Variants in SORCS3 observed in about 807,000 individuals in gnomAD.
SORCS3 encodes the protein sortilin related VPS10 domain containing receptor 3, also known as VPS10 domain-containing receptor SorCS3.
SORCS3 carries 57 observed loss-of-function variants against 146.3 expected under a neutral mutation model. The observed-to-expected ratio is 0.39, with a 90% CI of 0.31 to 0.49. The LOEUF (loss-of-function observed/expected upper bound fraction) is 0.49. Among genes scored for constraint, SORCS3 ranks in the 20% least tolerant of loss-of-function variants. The pLI, the probability that SORCS3 is intolerant of heterozygous loss-of-function variation, is 0.92. For synonymous variants in SORCS3, 653 were observed against 618.5 expected, an observed-to-expected ratio of 1.06 and a Z score of -0.83; for missense variants, 1,341 against 1,575.5, an observed-to-expected ratio of 0.85 and a Z score of 2.52.
chr10:104,909,405 C>A (rs561283151), intron 2 of SORCS3, among the ~76,000 whole-genome samples: 1 of 152,216 alleles, frequency 6.6e-6, no homozygotes, highest in Non-Finnish European at 1.5e-5. Context: ...AGGAAAGGAA[C>A]AACCACAACT....
rs139686600 is a variant in SORCS3, at chr10:105,026,435, G to A, written c.955-16620G>A. On this transcript the variant is annotated intron_variant, in intron 4 of 26. Transcript: ENST00000369701. ...AGACTTCCCTGATGCATGAAAGGAAGCAAAATGGAATCATCATTCAACCAG... is the reference window on the plus strand; with the variant it reads ...AGACTTCCCTGATGCATGAAAGGAAACAAAATGGAATCATCATTCAACCAG... Among the ~76,000 whole-genome samples, 168 of 152,308 alleles carry A rather than the reference G, an allele frequency of 1.1e-3. 1 individual carries two copies. Among genetic ancestry groups the A allele is most frequent in the African/African-American group, 3.9e-3 (162 of 41,572 alleles).
chr10:105,145,692 G>C (rs146649037), intron 8 of SORCS3, among the ~76,000 whole-genome samples: 3,379 of 152,168 alleles, frequency 0.022, 76 homozygotes, highest in Non-Finnish European at 0.031. Flanking sequence ...CGGTTTTTAA[G>C]AGTAAGCTTT....
At chr10:105,119,441 G>C (rs183025942) in intron 7 of SORCS3, among the ~76,000 whole-genome samples, 52 of 152,302 alleles carry the variant, frequency 3.4e-4, no homozygotes, top group African/African-American at 1.2e-3. Flanking sequence ...GCACTGCCTA[G>C]TGGAGCACTG....
chr10:104,873,588 G>C (rs1256736301), intron 2 of SORCS3, among the ~76,000 whole-genome samples: 1 of 152,134 alleles, frequency 6.6e-6, no homozygotes, highest in Admixed American at 6.5e-5. Flanking sequence ...ATTCTCTTTT[G>C]GATGCAGTAG....
At chr10:104,764,041 TGGTAATTCATTAAAATGAA>T (rs2017153180) in intron 1 of SORCS3, among the ~76,000 whole-genome samples, 1 of 150,934 alleles carries the variant, frequency 6.6e-6, no homozygotes, top group South Asian at 2.1e-4. Flanking sequence ...TGGAAGGTAC[TGGTAATTCATTAAAATGAA>T]AATGGACTAA....
At chr10:105,116,858 G>A (rs1465520800) in intron 7 of SORCS3, among the ~76,000 whole-genome samples, 2 of 152,056 alleles carry the variant, frequency 1.3e-5, no homozygotes, top group Non-Finnish European at 2.9e-5. Flanking sequence ...CACAAAGAAG[G>A]GAATGGTAGA....
intron 1 of SORCS3, among the ~76,000 whole-genome samples, chr10:104,717,101 C>T (rs556142937): frequency 1.6e-4 from 24 of 152,134 alleles, no homozygotes; most frequent in Middle Eastern, 3.4e-3. Flanking sequence ...CCAGCCCAGG[C>T]GGCATAGCAA....
At chr10:104,999,692 T>C (rs1281358517) in intron 4 of SORCS3, among the ~76,000 whole-genome samples, 2 of 152,192 alleles carry the variant, frequency 1.3e-5, no homozygotes, top group African/African-American at 2.4e-5. Context: ...GAAGGGTTTA[T>C]TCCCCAGGAG....
rs570362058 is a variant in SORCS3 at position 104,682,570 on chromosome 10, A to G, written c.627+40616A>G. 5.3e-5 allele frequency among the ~76,000 whole-genome samples: 8 copies of G among 152,276 alleles called. No homozygotes were observed. The South Asian group carries it at 1.0e-3, about 20-fold the overall frequency. On this transcript the variant is annotated intron_variant, in intron 1 of 26. Coordinates refer to ENST00000369701, the MANE Select transcript of SORCS3 (RefSeq NM_014978.3). Reference sequence around the variant, plus strand: ...AATTCCAGGCAGAGGGGTGCCTCCTATGGAACTTGGGTCAAGTCCTTAAGG... The same window carrying G: ...AATTCCAGGCAGAGGGGTGCCTCCTGTGGAACTTGGGTCAAGTCCTTAAGG...
At chr10:104,715,888 C>T (rs1171891907) in intron 1 of SORCS3, among the ~76,000 whole-genome samples, 1 of 152,130 alleles carries the variant, frequency 6.6e-6, no homozygotes, top group African/African-American at 2.4e-5. Context: ...ACAGGTCAGG[C>T]CACGCCACCC....
chr10:104,726,317 T>G (rs1564668949), intron 1 of SORCS3, among the ~76,000 whole-genome samples: 1 of 152,236 alleles, frequency 6.6e-6, no homozygotes, highest in Non-Finnish European at 1.5e-5. Flanking sequence ...GTGTTCGTAC[T>G]TGGCCTTTCT....
chr10:105,000,499 G>C (rs1025997466), intron 4 of SORCS3, among the ~76,000 whole-genome samples: 26 of 151,926 alleles, frequency 1.7e-4, no homozygotes, highest in African/African-American at 5.3e-4. Flanking sequence ...GTTTTGTTTT[G>C]TTTTTTGCTT....
At chr10:104,722,003 TC>T (rs1433199473) in intron 1 of SORCS3, among the ~76,000 whole-genome samples, 9 of 152,164 alleles carry the variant, frequency 5.9e-5, no homozygotes, top group African/African-American at 2.2e-4. Context: ...GGCCAGAACT[TC>T]CAACACTATG....
intron 1 of SORCS3, among the ~76,000 whole-genome samples, chr10:104,681,362 T>G (rs1039611225): frequency 6.6e-6 from 1 of 152,036 alleles, no homozygotes; most frequent in African/African-American, 2.4e-5. Flanking sequence ...GTGTGGGGGC[T>G]GCTGAGCGAA....
At chr10:105,014,689 C>T (rs1475912069) in intron 4 of SORCS3, among the ~76,000 whole-genome samples, 4 of 131,054 alleles carry the variant, frequency 3.1e-5, no homozygotes, top group Admixed American at 2.8e-4. Flanking sequence ...TTTGCTTTCC[C>T]CCAAAATTTA....
intron 2 of SORCS3, among the ~76,000 whole-genome samples, chr10:104,905,415 T>C (rs1191702986): frequency 6.6e-6 from 1 of 152,166 alleles, no homozygotes; most frequent in Non-Finnish European, 1.5e-5. Flanking sequence ...GTAGGACAAC[T>C]GGTAAAACTG....
At chr10:104,953,103 A>T (rs958466781) in intron 3 of SORCS3, among the ~76,000 whole-genome samples, 7 of 152,220 alleles carry the variant, frequency 4.6e-5, no homozygotes, top group African/African-American at 1.7e-4. Context: ...GGAATCAAAG[A>T]TTATTCAGAG....
At chr10:104,735,456 G>GTTTTTTTTTTTTTTT (rs56203751) in intron 1 of SORCS3, among the ~76,000 whole-genome samples, 1,866 of 34,666 alleles carry the variant, frequency 0.054, 446 homozygotes, top group East Asian at 0.15. Flanking sequence ...CTCACCGTCT[G>GTTTTTTTTTTTTTTT]TTTTTTTTTT....
chr10:104,736,698 C>T (rs537502304), intron 1 of SORCS3, among the ~76,000 whole-genome samples: 75 of 151,466 alleles, frequency 5.0e-4, no homozygotes, highest in Admixed American at 2.4e-3. Context: ...GCAGGTGAAC[C>T]TTTTCTTTTC....
Sources: allele counts gnomAD v4.1 joint callset (sites outside exome capture counted in the v4.1 genomes callset), GRCh38; gene constraint gnomAD v4.1.1; transcripts MANE v1.5; gene names NCBI Gene and HGNC (gene_info 2026-07-23, HGNC 2026-07-21).